The following USP22 variants were observed in gnomAD, a reference collection of about 807,000 sequenced individuals.
USP22 encodes ubiquitin specific peptidase 22.
USP22 carries 22 observed loss-of-function variants against 68.1 expected under a neutral mutation model. The ratio of observed to expected loss-of-function variants is 0.32; its 90% CI spans 0.23 to 0.46. USP22 has a LOEUF of 0.46. Ranked by LOEUF, USP22 falls within the 20% of genes least tolerant of loss-of-function variation. The pLI is 1.00. For missense variants in USP22, 433 were observed against 695.8 expected (o/e 0.62, Z 4.25); for synonymous variants, 279 against 274.2 (o/e 1.02, Z -0.17).
chr17:21,036,530 G>GC lies in USP22; in HGVS notation c.171+6134_171+6135insG, dbSNP rs943052628. ...GAGCACTGTACTGTAAGGGGGGGGG[G>GC]GGTCAAGTCATTTCCCAAGGGAGTA... On this transcript the variant is annotated intron_variant, in intron 1 of 12. Transcript: ENST00000261497. 2.1e-4 allele frequency among the ~76,000 whole-genome samples: 28 copies of GC among 135,576 alleles called. No homozygotes were observed. The South Asian group carries it at 4.8e-3, about 23-fold the overall frequency. 88.9% of individuals were successfully genotyped at this position (135,576 alleles called of 152,430 possible).
At chr17:21,036,907 C>T (rs1972365382) in intron 1 of USP22, among the ~76,000 whole-genome samples, 1 of 152,166 alleles carries the variant, frequency 6.6e-6, no homozygotes, top group Admixed American at 6.5e-5. Context: ...GATCTAATTC[C>T]ATTCTCCCAA....
rs925020292 is a variant in USP22 at position 21,007,978 on chromosome 17, G to A, written c.1122C>T (p.His374=). Residue 374 remains histidine, a synonymous_variant, in exon 9 of 13, where the codon CAC becomes CAT. Coordinates refer to ENST00000261497, the MANE Select transcript of USP22 (RefSeq NM_015276.2). ...DCLRRFTRPE[H]LGSSAKIKCS... The stretch of plus-strand genomic sequence containing the variant: ...ACTTGATCTTGGCGCTGCTGCCCAA[G>A]TGCTCTGGTCTGGTGAATCTACAGG... The A allele has an allele frequency of 6.2e-6, 10 of 1,613,960 alleles. No homozygotes were observed. The highest frequency in any genetic ancestry group is 2.2e-5 in the East Asian group (1 of 44,890).
At position 21,013,540 on chromosome 17, in the gene USP22, C is replaced by G. The variant is rs1051580674; in HGVS notation, c.839-605G>C. Among the ~76,000 whole-genome samples, 5 of 152,180 alleles carry G rather than the reference C, an allele frequency of 3.3e-5. No individual in the cohort carries two copies. In the South Asian group the frequency reaches 1.0e-3, roughly 32 times the overall value. Reference sequence around the variant, plus strand: ...GAAACTTAAGTAGCAGAACTTAATTCGTGTGTGGAATACATATTCTACATA... The same window carrying G: ...GAAACTTAAGTAGCAGAACTTAATTGGTGTGTGGAATACATATTCTACATA... On this transcript the variant is annotated intron_variant, in intron 6 of 12. Coordinates refer to ENST00000261497, the MANE Select transcript of USP22 (RefSeq NM_015276.2).
At position 21,042,927 on chromosome 17, in the gene USP22, G is replaced by T; in HGVS notation, c.-92C>A. The T allele has an allele frequency of 1.2e-6, 1 of 844,066 alleles. No homozygotes were observed. Among genetic ancestry groups the T allele is most frequent in the Non-Finnish European group, 1.5e-6 (1 of 645,166 alleles). 52.3% of individuals were successfully genotyped at this position (844,066 alleles called of 1,614,324 possible). A position where few individuals can be genotyped will look rare whatever the true frequency, so the allele number is the denominator to read the frequency against. On this transcript the variant is annotated 5_prime_UTR_variant, in exon 1 of 13. It adds an upstream start codon to the 5' untranslated region. Coordinates refer to ENST00000261497, the MANE Select transcript of USP22 (RefSeq NM_015276.2). ...GTGGGGGCTGCTCGGCGGCTGGCCA[G>T]GCTGGCCAAGGCCCGGGCGCCGAGA... is the stretch of plus-strand genomic sequence containing the variant.
intron 2 of USP22, 145 bp from the exon 3 acceptor site, chr17:21,021,371 G>T: frequency 1.6e-6 from 1 of 632,594 alleles, no homozygotes; most frequent in Non-Finnish European, 2.9e-6. Context: ...AGCCAGTCCA[G>T]CGGAGTCTCC....
chr17:21,043,048 G>A (rs946542519), upstream of USP22: 7 of 256,116 alleles, frequency 2.7e-5, no homozygotes, highest in Admixed American at 2.2e-4. Flanking sequence ...GCTGCGGACC[G>A]CCTGCGCTGC....
At chr17:21,021,525 G>A (rs1290552490) in intron 2 of USP22, among the ~76,000 whole-genome samples, 1 of 152,174 alleles carries the variant, frequency 6.6e-6, no homozygotes, top group Non-Finnish European at 1.5e-5. Context: ...TTCTCTGAAT[G>A]CGTGGTATTT....
rs200405098 is a variant in USP22 at position 21,004,993 on chromosome 17, G to A, written c.1323-3C>T. 2.8e-4 allele frequency: 444 copies of A among 1,614,160 alleles called. 2 individuals carry two copies. In the African/African-American group the frequency reaches 5.4e-3, roughly 20 times the overall value. Reference sequence around the variant, plus strand: ...GTCCATTCATCCTGCTCTCTTTGCTGTAACAGACAACGGCAGGATTCAGCA... The same window carrying A: ...GTCCATTCATCCTGCTCTCTTTGCTATAACAGACAACGGCAGGATTCAGCA... On this transcript the variant is annotated splice_polypyrimidine_tract_variant and splice_region_variant and intron_variant, in intron 10 of 12. Coordinates refer to ENST00000261497, the MANE Select transcript of USP22 (RefSeq NM_015276.2).
chr17:21,009,899 G>C (rs1421921528), intron 8 of USP22, among the ~76,000 whole-genome samples: 1 of 151,470 alleles, frequency 6.6e-6, no homozygotes, highest in Non-Finnish European at 1.5e-5. Context: ...AGGTTGCAGT[G>C]AGCCAAGATC....
At chr17:21,043,299 A>ACCCCCCCCTCC (rs1972473296), upstream of USP22, 1 of 11,524 alleles carries the variant, frequency 8.7e-5, no homozygotes, top group East Asian at 2.8e-3. Flanking sequence ...GTAGTAGGCC[A>ACCCCCCCCTCC]CCCCCCCCCC....
At chr17:21,043,382 C>A, upstream of USP22, 1 of 375,078 alleles carries the variant, frequency 2.7e-6, no homozygotes, top group Non-Finnish European at 4.8e-6. Flanking sequence ...CTCCCGGGAC[C>A]CTGGCGGCTA....
At chr17:21,022,099 CA>C (rs1269340706) in intron 2 of USP22, among the ~76,000 whole-genome samples, 1 of 151,498 alleles carries the variant, frequency 6.6e-6, no homozygotes, top group African/African-American at 2.4e-5. Context: ...GACTCTGTCT[CA>C]AAAAATAAAA....
At chr17:21,030,932 C>G (rs2143622185) in intron 1 of USP22, among the ~76,000 whole-genome samples, 1 of 152,296 alleles carries the variant, frequency 6.6e-6, no homozygotes, top group Middle Eastern at 3.4e-3. Context: ...CTGTATTGCG[C>G]TTATGTAGGA....
chr17:21,041,936 G>A (rs1050099460), intron 1 of USP22, among the ~76,000 whole-genome samples: 1 of 152,142 alleles, frequency 6.6e-6, no homozygotes, highest in East Asian at 1.9e-4. Flanking sequence ...CCCGGGCTGT[G>A]GCTCCGCACC....
chr17:21,021,669 T>C (rs1392943672), intron 2 of USP22, among the ~76,000 whole-genome samples: 1 of 152,230 alleles, frequency 6.6e-6, no homozygotes, highest in East Asian at 1.9e-4. Flanking sequence ...ACTTTTGTGG[T>C]TGGCGGCATT....
rs754434696 is a variant in USP22, at chr17:21,017,951, C to T, written c.681G>A (p.Leu227=). 1 of 1,614,036 alleles carries T rather than the reference C, an allele frequency of 6.2e-7. No homozygotes were observed. The highest frequency in any genetic ancestry group is 2.2e-5 in the East Asian group (1 of 44,890). Reference sequence around the variant, plus strand: ...AGTCAATGGCGCTCACCTCCTGAAACAGTGAGGACATCTCACAGACCAGAC... The same window carrying T: ...AGTCAATGGCGCTCACCTCCTGAAATAGTGAGGACATCTCACAGACCAGAC... ...SSCLVCEMSS[L]FQEFYSGHRS... The change falls in exon 5 of 13, where the codon CTG becomes CTA. Residue 227 remains leucine (L), a synonymous_variant. Coordinates refer to ENST00000261497, the MANE Select transcript of USP22 (RefSeq NM_015276.2).
chr17:21,021,329 GTTCACAGCACCTTCCTA>G, intron 2 of USP22, 103 bp from the exon 3 acceptor site: 1 of 739,308 alleles, frequency 1.4e-6, no homozygotes, highest in Admixed American at 2.1e-5. Context: ...GATACTGACT[GTTCACAGCACCTTCCTA>G]TTCACAAGCA....
intron 2 of USP22, among the ~76,000 whole-genome samples, chr17:21,023,065 C>T (rs1044274883): frequency 1.3e-5 from 2 of 152,136 alleles, no homozygotes; most frequent in African/African-American, 4.8e-5. Context: ...CCTTAGAAAA[C>T]TAACATAGGA....
intron 1 of USP22, among the ~76,000 whole-genome samples, chr17:21,032,060 T>C (rs36117183): frequency 0.047 from 7,205 of 152,304 alleles, 411 homozygotes; most frequent in African/African-American, 0.13. Flanking sequence ...CAGAAGATTA[T>C]AGTATCATAT....
Sources: allele counts gnomAD v4.1 joint callset (sites outside exome capture counted in the v4.1 genomes callset), GRCh38; gene constraint gnomAD v4.1.1; transcripts MANE v1.5; gene names NCBI Gene and HGNC (gene_info 2026-07-23, HGNC 2026-07-21).